The following KAT6B variants were observed in gnomAD, a reference collection of about 807,000 sequenced individuals.
KAT6B encodes lysine acetyltransferase 6B.
A neutral mutation model predicts 187.5 loss-of-function variants in KAT6B; 10 were observed. That is an observed-to-expected ratio of 0.05 (90% confidence interval 0.03 to 0.09). The LOEUF (loss-of-function observed/expected upper bound fraction) is 0.09. KAT6B is among the 10% of genes least tolerant of loss of function. The pLI is 1.00. For missense variants in KAT6B, 1,952 were observed against 2,558.9 expected (o/e 0.76, Z 5.12); for synonymous variants, 861 against 926.8 (o/e 0.93, Z 1.29).
At chr10:74,913,213 C>T (rs1028953533) in intron 3 of KAT6B, among the ~76,000 whole-genome samples, 3 of 152,134 alleles carry the variant, frequency 2.0e-5, no homozygotes, top group Admixed American at 6.5e-5. Context: ...AAACTCCAAA[C>T]AAGATTTTGA....
At chr10:74,947,085 C>T (rs1033186638) in intron 3 of KAT6B, among the ~76,000 whole-genome samples, 2 of 152,148 alleles carry the variant, frequency 1.3e-5, no homozygotes, top group African/African-American at 4.8e-5. Flanking sequence ...CTACAACCTC[C>T]ACCCCCTGAG....
intron 4 of KAT6B, among the ~76,000 whole-genome samples, chr10:74,960,470 A>T (rs1388890053): frequency 6.6e-6 from 1 of 151,994 alleles, no homozygotes; most frequent in Non-Finnish European, 1.5e-5. Flanking sequence ...TTAATCTTCA[A>T]ATTTTTTCCC....
chr10:74,854,617 A>C (rs1161357412), intron 3 of KAT6B, among the ~76,000 whole-genome samples: 3 of 152,084 alleles, frequency 2.0e-5, no homozygotes, highest in African/African-American at 7.2e-5. Context: ...GTCTAAGCAA[A>C]ATCCAGGAAG....
chr10:74,981,748 A>C, intron 10 of KAT6B, 39 bp from the exon 11 acceptor site: 1 of 1,363,760 alleles, frequency 7.3e-7, no homozygotes, highest in Non-Finnish European at 1.0e-6. Context: ...CAACAGTATA[A>C]TCTATCTGAT....
intron 3 of KAT6B, among the ~76,000 whole-genome samples, chr10:74,860,767 G>A (rs980394804): frequency 1.3e-5 from 2 of 152,206 alleles, no homozygotes; most frequent in African/African-American, 4.8e-5. Context: ...GGAGGCCAAG[G>A]CAGGAGGATC....
rs746953012 is a variant in KAT6B, at chr10:75,030,040, G to A, written c.5216G>A (p.Ser1739Asn). The A allele has an allele frequency of 4.3e-6, 7 of 1,614,196 alleles. No individual in the cohort carries two copies. The highest frequency in any genetic ancestry group is 1.3e-5 in the African/African-American group (1 of 75,058). The stretch of plus-strand genomic sequence containing the variant: ...AGCTGCAGCATGCTGCAGCAAACCA[G>A]CATCAGCTCCCCTCCGACCTGCAGC... ...SGSCSMLQQT[S>N]ISSPPTCSVK... Residue 1739 changes from serine (S) to asparagine (N), a missense_variant, in exon 18 of 18, where the codon AGC (serine) becomes AAC (asparagine). Coordinates refer to ENST00000287239, the MANE Select transcript of KAT6B (RefSeq NM_012330.4). This position sits in a 1 kb window ranked among gnomAD's most constrained non-coding sequence, Gnocchi z 4.8.
At chr10:74,936,855 C>T (rs1406676728) in intron 3 of KAT6B, among the ~76,000 whole-genome samples, 2 of 151,928 alleles carry the variant, frequency 1.3e-5, no homozygotes, top group Non-Finnish European at 2.9e-5. Flanking sequence ...TTTATTAATG[C>T]CAGTTTTGTA....
At chr10:74,941,710 C>T (rs2133293217) in intron 3 of KAT6B, among the ~76,000 whole-genome samples, 1 of 152,214 alleles carries the variant, frequency 6.6e-6, no homozygotes, top group South Asian at 2.1e-4. Context: ...AAAGAAAACT[C>T]CAGACTCAGA....
intron 17 of KAT6B, among the ~76,000 whole-genome samples, chr10:75,026,511 T>C (rs1005837118): frequency 6.6e-6 from 1 of 152,188 alleles, no homozygotes; most frequent in Admixed American, 6.5e-5. Flanking sequence ...TTTAAGAACA[T>C]ATGCAAGCAT....
In KAT6B at chr10:74,975,853, A is replaced by G; in HGVS notation, c.1516A>G (p.Ser506Gly). 1 of 1,614,040 alleles carries G rather than the reference A, an allele frequency of 6.2e-7. No individual in the cohort carries two copies. The highest frequency in any genetic ancestry group is 8.5e-7 in the Non-Finnish European group (1 of 1,179,990). The change falls in exon 8 of 18, where the codon AGT becomes GGT. Residue 506 changes from serine to glycine, a missense_variant. This residue lies in a region of KAT6B where 417 missense variants were observed against 508.9 expected (regional missense o/e 0.82). Transcript: ENST00000287239. ...AACCCCCATCTCCGGTCAGAGCCCC[A>G]GTTCACAAAAGTCCAGCACGGCCAC... ...PPTPISGQSP[S>G]SQKSSTATSS...
Position 74,944,510 on chromosome 10 carries a change from A to G in KAT6B, c.622-15460A>G, listed in dbSNP as rs367635972. ...AAGCACATGAACAACGTCATTAGTC[A>G]TCAAGGATATGCAAATTAGGCCGGG... On this transcript the variant is annotated intron_variant, in intron 3 of 17. Coordinates refer to ENST00000287239, the MANE Select transcript of KAT6B (RefSeq NM_012330.4). Among the ~76,000 whole-genome samples the G allele has an allele frequency of 2.0e-5, 3 of 152,222 alleles. No homozygotes were observed. In the South Asian group the frequency reaches 6.2e-4, roughly 32 times the overall value.
At chr10:74,864,167 C>G (rs113139139) in intron 3 of KAT6B, among the ~76,000 whole-genome samples, 11 of 151,920 alleles carry the variant, frequency 7.2e-5, no homozygotes, top group African/African-American at 2.7e-4. Flanking sequence ...CTCCTGGGTT[C>G]AAGTGATTCT....
rs886615663 is a variant in KAT6B at position 74,991,295 on chromosome 10, T to C, written c.2629+2183T>C. On this transcript the variant is annotated intron_variant, in intron 13 of 17. Transcript: ENST00000287239. ...TAAACTAAATTTCCAAATTGATATA[T>C]GGTTGCTGTCCACAATCATTGTCTA... Among the ~76,000 whole-genome samples the C allele has an allele frequency of 2.0e-5, 3 of 152,318 alleles. No individual in the cohort carries two copies. The South Asian group carries it at 6.2e-4, about 32-fold the overall frequency.
intron 3 of KAT6B, among the ~76,000 whole-genome samples, chr10:74,848,222 A>G (rs1237322858): frequency 2.0e-5 from 3 of 152,156 alleles, no homozygotes; most frequent in Non-Finnish European, 4.4e-5. Flanking sequence ...CCTGGCCTCC[A>G]CATGTTTTTC....
At chr10:74,860,682 A>C (rs981006499) in intron 3 of KAT6B, among the ~76,000 whole-genome samples, 7 of 152,210 alleles carry the variant, frequency 4.6e-5, no homozygotes, top group African/African-American at 1.7e-4. Context: ...GGAAGTTACC[A>C]CATATCTAAA....
intron 3 of KAT6B, among the ~76,000 whole-genome samples, chr10:74,937,853 C>T (rs1849371662): frequency 6.6e-6 from 1 of 152,236 alleles, no homozygotes; most frequent in Non-Finnish European, 1.5e-5. Flanking sequence ...CTAACTACTG[C>T]AATTGCTGTC....
Position 75,028,615 on chromosome 10 carries a change from A to T in KAT6B, c.3791A>T (p.Glu1264Val). 6.2e-7 allele frequency: 1 copy of T among 1,614,218 alleles called. No homozygotes were observed. Among genetic ancestry groups the T allele is most frequent in the Non-Finnish European group, 8.5e-7 (1 of 1,180,046 alleles). ...CTATCTAAGTGGAGGCAAAACAAAG[A>T]GAGGAAGACCGGATTTAAACTGAAT... ...RGLSKWRQNKERKTGFKLNLY... is the reference protein window; with the variant it reads ...RGLSKWRQNKVRKTGFKLNLY... The change falls in exon 18 of 18, where the codon GAG becomes GTG. Residue 1264 changes from glutamate to valine, a missense_variant. By Grantham distance (121) the Glu-to-Val change is moderately radical (BLOSUM62 -2). Transcript: ENST00000287239.
chr10:74,895,233 C>T (rs1234678117), intron 3 of KAT6B, among the ~76,000 whole-genome samples: 1 of 151,766 alleles, frequency 6.6e-6, no homozygotes, highest in Non-Finnish European at 1.5e-5. Flanking sequence ...TTTTTAATTG[C>T]ATTAGTTTGT....
intron 3 of KAT6B, among the ~76,000 whole-genome samples, chr10:74,868,205 G>A (rs1395460696): frequency 6.6e-6 from 1 of 152,052 alleles, no homozygotes; most frequent in African/African-American, 2.4e-5. Context: ...ATAACTTTTG[G>A]TTTGTAGGGT....
Sources: allele counts gnomAD v4.1 joint callset (sites outside exome capture counted in the v4.1 genomes callset), GRCh38; gene constraint gnomAD v4.1.1; regional missense constraint gnomAD v4.1.1; non-coding constraint Gnocchi (gnomAD v3.1); transcripts MANE v1.5; gene names NCBI Gene and HGNC (gene_info 2026-07-23, HGNC 2026-07-21).